UGGT2: variants seen among roughly 807,000 people sequenced by gnomAD.
UGGT2 encodes UDP-glucose:glycoprotein glucosyltransferase 2.
In UGGT2, 180 loss-of-function variants were observed where a neutral mutation model predicts 192.1. That is an observed-to-expected ratio of 0.94 (90% CI 0.83 to 1.06). The LOEUF (loss-of-function observed/expected upper bound fraction) is 1.06. Ranked by LOEUF, UGGT2 falls within the 50% of genes least tolerant of loss-of-function variation. UGGT2 has a pLI of 0.00. For synonymous variants in UGGT2, 580 were observed against 591.0 expected (o/e 0.98, Z 0.27); for missense variants, 1,849 against 1,795.7 (o/e 1.03, Z -0.54).
chr13:95,981,695 G>GT (rs2051131076), intron 10 of UGGT2, among the ~76,000 whole-genome samples: 1 of 152,152 alleles, frequency 6.6e-6, no homozygotes, highest in Admixed American at 6.5e-5. Flanking sequence ...GTACTTTTCG[G>GT]TTTGTATGGA....
chr13:96,036,767 T>C (rs968333915), intron 1 of UGGT2, among the ~76,000 whole-genome samples: 2 of 152,102 alleles, frequency 1.3e-5, no homozygotes, highest in African/African-American at 4.8e-5. Context: ...AACATTTTTG[T>C]TTGTTTGTTT....
At chr13:95,861,540 C>G (rs1890167698) in intron 31 of UGGT2, among the ~76,000 whole-genome samples, 1 of 152,088 alleles carries the variant, frequency 6.6e-6, no homozygotes, top group South Asian at 2.1e-4. Flanking sequence ...GCTAGACCAA[C>G]TCCATTTCAT....
intron 36 of UGGT2, among the ~76,000 whole-genome samples, chr13:95,851,835 G>A (rs949748954): frequency 2.6e-5 from 4 of 152,150 alleles, no homozygotes; most frequent in South Asian, 4.1e-4. Flanking sequence ...CCTTTCTTCA[G>A]TTGTCCATAG....
intron 20 of UGGT2, among the ~76,000 whole-genome samples, chr13:95,908,003 A>C (rs984069315): frequency 6.6e-6 from 1 of 152,192 alleles, no homozygotes; most frequent in African/African-American, 2.4e-5. Context: ...AACCTAGAAA[A>C]AAGATAAGAC....
At chr13:95,856,066 A>C (rs1479434032) in intron 34 of UGGT2, 92 bp downstream of exon 34, 1 of 1,078,336 alleles carries the variant, frequency 9.3e-7, no homozygotes, top group African/African-American at 1.6e-5. Context: ...AATGAAGATA[A>C]TAAACATGAG....
intron 23 of UGGT2, 81 bp from the exon 24 acceptor site, chr13:95,894,738 GT>G: frequency 8.6e-7 from 1 of 1,167,388 alleles, no homozygotes; most frequent in Non-Finnish European, 1.3e-6. Context: ...TTCAAGAAAG[GT>G]TTTATATATC....
intron 34 of UGGT2, among the ~76,000 whole-genome samples, chr13:95,855,598 C>G (rs933426869): frequency 1.3e-5 from 2 of 150,762 alleles, no homozygotes; most frequent in East Asian, 3.9e-4. Flanking sequence ...TTATATCTCA[C>G]TGTGACTTCT....
intron 9 of UGGT2, among the ~76,000 whole-genome samples, chr13:95,984,405 T>C (rs1261611034): frequency 2.0e-5 from 3 of 152,176 alleles, no homozygotes; most frequent in African/African-American, 7.2e-5. Flanking sequence ...CACAACTCAC[T>C]GTAGTCTCGG....
chr13:96,009,508 C>G (rs1001147357), intron 5 of UGGT2, among the ~76,000 whole-genome samples: 1 of 152,112 alleles, frequency 6.6e-6, no homozygotes. Context: ...AATAAACAGC[C>G]CCATTAAAAA....
At chr13:95,979,372 C>G (rs1323386813) in intron 10 of UGGT2, among the ~76,000 whole-genome samples, 1 of 151,998 alleles carries the variant, frequency 6.6e-6, no homozygotes, top group South Asian at 2.1e-4. Flanking sequence ...AAGTCAAAAA[C>G]TATATAAAAA....
At chr13:95,824,727 A>G (rs548371341) in intron 38 of UGGT2, among the ~76,000 whole-genome samples, 4 of 152,232 alleles carry the variant, frequency 2.6e-5, no homozygotes, top group African/African-American at 9.6e-5. Flanking sequence ...TTTCTGTGGT[A>G]TCTCCTTGAG....
chr13:95,860,922 A>AATGTTTCCATATG, intron 31 of UGGT2, 39 bp from the exon 32 acceptor site: 4 of 1,296,492 alleles, frequency 3.1e-6, no homozygotes, highest in Non-Finnish European at 4.3e-6. Flanking sequence ...TTAAACATAC[A>AATGTTTCCATATG]TATGGAAACA....
chr13:96,022,906 G>A (rs1477853361), intron 4 of UGGT2, 134 bp downstream of exon 4: 8 of 478,224 alleles, frequency 1.7e-5, no homozygotes, highest in Middle Eastern at 6.0e-4. Flanking sequence ...GATATATTAC[G>A]GTTTTCAATA....
chr13:95,949,488 A>G, intron 12 of UGGT2, 34 bp from the exon 13 acceptor site: 3 of 1,407,846 alleles, frequency 2.1e-6, no homozygotes, highest in Non-Finnish European at 2.8e-6. Flanking sequence ...TGAAAGCTAT[A>G]TTAACACTGA....
At chr13:95,900,125 T>A (rs1336972339) in intron 22 of UGGT2, among the ~76,000 whole-genome samples, 1 of 152,118 alleles carries the variant, frequency 6.6e-6, no homozygotes, top group Non-Finnish European at 1.5e-5. Flanking sequence ...ACTTATTTTG[T>A]ATGTGTCTAC....
intron 1 of UGGT2, among the ~76,000 whole-genome samples, chr13:96,044,645 A>G (rs1304109749): frequency 6.6e-6 from 1 of 152,224 alleles, no homozygotes; most frequent in African/African-American, 2.4e-5. Flanking sequence ...AATAAGCTCA[A>G]TTAGAAATGA....
At chr13:95,818,060 G>A (rs1241815267) in intron 38 of UGGT2, among the ~76,000 whole-genome samples, 2 of 152,138 alleles carry the variant, frequency 1.3e-5, no homozygotes, top group African/African-American at 2.4e-5. Flanking sequence ...TTATCCCAAC[G>A]TTTTGGGAGG....
intron 12 of UGGT2, among the ~76,000 whole-genome samples, chr13:95,963,033 G>A (rs532134853): frequency 5.3e-5 from 8 of 152,134 alleles, no homozygotes; most frequent in Non-Finnish European, 1.0e-4. Context: ...GGAAAGACCT[G>A]CCCCCATGAT....
chr13:95,907,619 A>G (rs1030100397), intron 20 of UGGT2, among the ~76,000 whole-genome samples: 12 of 152,232 alleles, frequency 7.9e-5, no homozygotes, highest in African/African-American at 2.4e-4. Flanking sequence ...GATTTGCAGC[A>G]TAACTCCAGG....
Sources: allele counts gnomAD v4.1 joint callset (sites outside exome capture counted in the v4.1 genomes callset), GRCh38; gene constraint gnomAD v4.1.1; transcripts MANE v1.5; gene names NCBI Gene and HGNC (gene_info 2026-07-23, HGNC 2026-07-21).